Variants in SDE2 observed in about 807,000 individuals in gnomAD.
SDE2 encodes splicing regulator SDE2.
SDE2 carries 31 observed loss-of-function variants against 46.9 expected under a neutral mutation model. The observed-to-expected ratio is 0.66, with a 90% CI of 0.50 to 0.89. The LOEUF is 0.89. Ranked by LOEUF, SDE2 falls within the 40% of genes least tolerant of loss-of-function variation. The probability of loss-of-function intolerance (pLI) is 0.00; values close to 1 mark genes in which losing one functional copy is unlikely to be tolerated. For missense variants in SDE2, 542 were observed against 564.4 expected (o/e 0.96, Z 0.40); for synonymous variants, 205 against 204.3 (o/e 1.00, Z -0.03).
At chr1:225,988,526 TGA>T (rs2102702217) in intron 5 of SDE2, 138 bp from the exon 6 acceptor site, 1 of 783,196 alleles carries the variant, frequency 1.3e-6, no homozygotes, top group Non-Finnish European at 2.0e-6. Flanking sequence ...GTCAGTAGTT[TGA>T]GATCAGCCTG....
chr1:225,995,641 T>G (rs984820522), intron 1 of SDE2, among the ~76,000 whole-genome samples: 2 of 152,194 alleles, frequency 1.3e-5, no homozygotes, highest in Admixed American at 6.6e-5. Flanking sequence ...AAAAACTGCT[T>G]CTTCTTCTCT....
At chr1:225,989,836 G>A (rs558566689) in intron 5 of SDE2, among the ~76,000 whole-genome samples, 6 of 152,000 alleles carry the variant, frequency 3.9e-5, no homozygotes, top group South Asian at 2.1e-4. Flanking sequence ...AGCACTTTGC[G>A]AGGCTGAGGC....
At chr1:225,993,933 C>CT (rs1558085266) in intron 2 of SDE2, among the ~76,000 whole-genome samples, 5 of 53,358 alleles carry the variant, frequency 9.4e-5, no homozygotes, top group Non-Finnish European at 1.1e-4. Flanking sequence ...ATGCAGCTAG[C>CT]TATTTTTTTT....
intron 1 of SDE2, 80 bp downstream of exon 1, chr1:225,999,112 GC>G: frequency 8.7e-7 from 1 of 1,146,526 alleles, no homozygotes; most frequent in Non-Finnish European, 1.3e-6. Flanking sequence ...ACGTACCCCC[GC>G]CCCGGACAGA....
chr1:225,995,989 G>A (rs1350720710), intron 1 of SDE2, among the ~76,000 whole-genome samples: 4 of 152,196 alleles, frequency 2.6e-5, no homozygotes, highest in South Asian at 4.1e-4. Context: ...AAGCAGTCCT[G>A]TAACCCAGTA....
At chr1:225,990,482 A>G (rs1208091774) in intron 5 of SDE2, among the ~76,000 whole-genome samples, 2 of 152,190 alleles carry the variant, frequency 1.3e-5, no homozygotes, top group African/African-American at 4.8e-5. Context: ...GTGACTATAT[A>G]GTACATATAC....
chr1:225,988,096 T>C lies in SDE2; in HGVS notation c.934A>G (p.Met312Val). ...TGGGTCTCTTCTGTTTCTGTAACCA[T>C]CCTGCTTTCCATGTGCTCTTTGGAC... The part of the protein sequence containing the change: ...GESKEHMESR[M>V]VTETEETQEK... The change falls in exon 6 of 7, where the codon ATG becomes GTG. Residue 312 changes from methionine to valine, a missense_variant. Transcript: ENST00000272091. The C allele has an allele frequency of 6.8e-6, 11 of 1,614,188 alleles. No homozygotes were observed. Among genetic ancestry groups the C allele is most frequent in the Non-Finnish European group, 8.5e-7 (1 of 1,180,018 alleles).
At position 225,999,245 on chromosome 1, in the gene SDE2, G is replaced by A; in HGVS notation, c.68C>T (p.Ala23Val). 2 of 1,613,338 alleles carry A rather than the reference G, an allele frequency of 1.2e-6. No homozygotes were observed. The highest frequency in any genetic ancestry group is 1.7e-6 in the Non-Finnish European group (2 of 1,179,792). Residue 23 changes from alanine (A) to valine (V), a missense_variant, in exon 1 of 7, where the codon GCC becomes GTC. Physicochemically the swap from Ala to Val is moderately conservative, Grantham distance 64 (BLOSUM62 0). Around this residue, in one of 3 missense-constraint regions of SDE2, gnomAD observed 135 missense variants for 106.5 expected, o/e 1.27. Transcript: ENST00000272091. ...ATCCCGGACGGTGCACCGACCCGAG[G>A]CACACCGCACCGCCTTGCACCCGAA... ...PGFGCKAVRC[A>V]SGRCTVRDFI...
intron 1 of SDE2, among the ~76,000 whole-genome samples, chr1:225,997,291 TTTG>T (rs1451762522): frequency 6.6e-6 from 1 of 152,198 alleles, no homozygotes; most frequent in African/African-American, 2.4e-5. Flanking sequence ...TCAGAATAGT[TTTG>T]TTTTTAAAAA....
At chr1:225,988,425 A>G (rs756478520) in intron 5 of SDE2, 37 bp from the exon 6 acceptor site, 85 of 1,606,148 alleles carry the variant, frequency 5.3e-5, no homozygotes, top group Non-Finnish European at 7.1e-5. Context: ...CAGCGTTTGT[A>G]GCTTCTATTT....
Position 225,992,907 on chromosome 1 carries a change from C to G in SDE2, c.334G>C (p.Val112Leu). ...GCATCTTACGCTTTTTCATGATTGA[C>G]ATCGCGTAGTCTCCTTCCACTGAGA... is the stretch of plus-strand genomic sequence containing the variant. ...RDLSGRRLRDVNHEKAMAEWV... is the reference protein window; with the variant it reads ...RDLSGRRLRDLNHEKAMAEWV... Residue 112 changes from valine (V) to leucine (L), a missense_variant, in exon 3 of 7, where the codon GTC becomes CTC. Val to Leu is a conservative substitution (Grantham distance 32, BLOSUM62 1). Coordinates refer to ENST00000272091, the MANE Select transcript of SDE2 (RefSeq NM_152608.4). 1 of 1,606,286 alleles carries G rather than the reference C, an allele frequency of 6.2e-7. No individual in the cohort carries two copies. Among genetic ancestry groups the G allele is most frequent in the Non-Finnish European group, 8.5e-7 (1 of 1,173,112 alleles).
chr1:225,985,325 G>A lies in SDE2; in HGVS notation c.1333C>T (p.Pro445Ser). Residue 445 changes from proline (P) to serine (S), a missense_variant, in exon 7 of 7, where the codon CCT (proline) becomes TCT (serine). Pro to Ser is a moderately conservative substitution (Grantham distance 74). Coordinates refer to ENST00000272091, the MANE Select transcript of SDE2 (RefSeq NM_152608.4). ...EQIDPALFAK[P>S]LKGKKK ...ACTCATTTTTTCTTCCCTTTCAAAGGCTTGGCAAATAAAGCCGGGTCAATT... is the reference window on the plus strand; with the variant it reads ...ACTCATTTTTTCTTCCCTTTCAAAGACTTGGCAAATAAAGCCGGGTCAATT... The A allele has an allele frequency of 1.2e-6, 2 of 1,614,050 alleles. No individual in the cohort carries two copies. Among genetic ancestry groups the A allele is most frequent in the Non-Finnish European group, 1.7e-6 (2 of 1,179,944 alleles).
rs771696539 is a variant in SDE2 at position 225,995,296 on chromosome 1, AACTATAAACAGCT to A, written c.195_207del (p.Ala66TrpfsTer53). On this transcript the variant is annotated frameshift_variant, in exon 2 of 7. Coordinates refer to ENST00000272091, the MANE Select transcript of SDE2 (RefSeq NM_152608.4). LOFTEE classifies it high-confidence loss of function. ...TTTCCACCGCAAAGTCTGGGTTCCA[AACTATAAACAGCT>A]CCATGCTGCACTGTGTCACTGGTGT... The A allele has an allele frequency of 6.2e-7, 1 of 1,609,262 alleles. No individual in the cohort carries two copies. Among genetic ancestry groups the A allele is most frequent in the African/African-American group, 1.3e-5 (1 of 74,948 alleles).
rs181060320 is a variant in SDE2 at position 225,982,796 on chromosome 1, C to T, written c.*2506G>A. On this transcript the variant is annotated 3_prime_UTR_variant, in exon 7 of 7. Transcript: ENST00000272091. Reference sequence around the variant, plus strand: ...GCAGAAATTGTAACTTATGACAGGACTTACAATATTTAAATATGTAGATTT... The same window carrying T: ...GCAGAAATTGTAACTTATGACAGGATTTACAATATTTAAATATGTAGATTT... The T allele has an allele frequency of 6.6e-6, 1 of 152,092 alleles. No homozygotes were observed. Among genetic ancestry groups the T allele is most frequent in the East Asian group, 1.9e-4 (1 of 5,184 alleles). 9.4% of individuals were successfully genotyped at this position (152,092 alleles called of 1,614,324 possible). A position where few individuals can be genotyped will look rare whatever the true frequency, so the allele number is the denominator to read the frequency against.
chr1:225,986,762 C>G (rs1407632133), intron 6 of SDE2, among the ~76,000 whole-genome samples: 1 of 152,172 alleles, frequency 6.6e-6, no homozygotes, highest in African/African-American at 2.4e-5. Flanking sequence ...AAATTACATG[C>G]TTACAAATTC....
In SDE2 at chr1:225,985,263, T is replaced by C. The variant is rs200544214; in HGVS notation, c.*39A>G. ...TCCACATTATGCAGGTTGTAAATGG[T>C]AGACACTATAAACAAATAGGAATCA... On this transcript the variant is annotated 3_prime_UTR_variant, in exon 7 of 7. Transcript: ENST00000272091. The C allele has an allele frequency of 1.5e-4, 219 of 1,486,996 alleles. 2 individuals are homozygous for C. The African/African-American group carries it at 2.5e-3, about 17-fold the overall frequency. The allele number at this position is 1,486,996 out of a possible 1,614,324, so 92.1% of individuals were successfully genotyped here.
chr1:225,988,694 ACTC>A (rs773459175), intron 5 of SDE2, among the ~76,000 whole-genome samples: 1 of 152,070 alleles, frequency 6.6e-6, no homozygotes, highest in Non-Finnish European at 1.5e-5. Flanking sequence ...GCGCCATTGT[ACTC>A]CAGCCTGGGT....
rs779041650 is a variant in SDE2, at chr1:225,988,132, C to T, written c.898G>A (p.Glu300Lys). The T allele has an allele frequency of 1.2e-6, 2 of 1,614,092 alleles. No individual in the cohort carries two copies. Among genetic ancestry groups the T allele is most frequent in the Non-Finnish European group, 1.7e-6 (2 of 1,180,042 alleles). The change falls in exon 6 of 7, where the codon GAG (glutamate) becomes AAG (lysine). Residue 300 changes from glutamate to lysine, a missense_variant. This residue lies in a region of SDE2 where 401 missense variants were observed against 437.8 expected (regional missense o/e 0.92). Transcript: ENST00000272091. The part of the protein sequence containing the change: ...GRHILEDSCA[E>K]LGESKEHMES... Reference sequence around the variant, plus strand: ...ATGTGCTCTTTGGACTCCCCCAGCTCAGCACATGAGTCTTCTAAAATATGC... The same window carrying T: ...ATGTGCTCTTTGGACTCCCCCAGCTTAGCACATGAGTCTTCTAAAATATGC...
chr1:225,987,818 A>T (rs774629028), intron 6 of SDE2, 78 bp downstream of exon 6: 35 of 1,301,274 alleles, frequency 2.7e-5, no homozygotes, highest in Non-Finnish European at 3.5e-5. Context: ...GAGGGGCAAA[A>T]GCACATTTTC....
Sources: allele counts gnomAD v4.1 joint callset (sites outside exome capture counted in the v4.1 genomes callset), GRCh38; gene constraint gnomAD v4.1.1; regional missense constraint gnomAD v4.1.1; transcripts MANE v1.5; gene names NCBI Gene and HGNC (gene_info 2026-07-23, HGNC 2026-07-21).